The following RGS6 variants were observed in gnomAD, a reference collection of about 807,000 sequenced individuals.
The protein encoded by RGS6 is regulator of G protein signaling 6, also known as regulator of G-protein signaling 6.
RGS6 carries 30 observed loss-of-function variants against 78.5 expected under a neutral mutation model. The ratio of observed to expected loss-of-function variants is 0.38; its 90% CI spans 0.29 to 0.52. RGS6 has a LOEUF of 0.52. Among genes scored for constraint, RGS6 ranks in the 20% least tolerant of loss-of-function variants. The pLI is 0.85. For missense variants in RGS6, 495 were observed against 609.7 expected (o/e 0.81, Z 1.98); for synonymous variants, 206 against 206.0 (o/e 1.00, Z 0.00).
rs201869827 is a variant in RGS6 at position 72,533,735 on chromosome 14, A to G, written c.1279-2451A>G. Among the ~76,000 whole-genome samples the G allele has an allele frequency of 2.0e-5, 3 of 152,348 alleles. No individual in the cohort carries two copies. The East Asian group carries it at 5.8e-4, about 29-fold the overall frequency. ...ATCCTAGTGAAGAAAGTAACTGCAG[A>G]TGTGGTGGAAATAGCAAGAGAACTA... On this transcript the variant is annotated intron_variant, in intron 15 of 17. Transcript: ENST00000553525.
At chr14:72,363,999 T>TAAAAAAAAAAAAAAAAAAAAAAAA (rs55943058) in intron 3 of RGS6, among the ~76,000 whole-genome samples, 1 of 46,756 alleles carries the variant, frequency 2.1e-5, no homozygotes, top group Non-Finnish European at 4.5e-5. Flanking sequence ...TGGACAAGGC[T>TAAAAAAAAAAAAAAAAAAAAAAAA]AAAAAAAAAA....
chr14:72,528,271 T>C (rs965462825), intron 15 of RGS6, among the ~76,000 whole-genome samples: 17 of 152,248 alleles, frequency 1.1e-4, no homozygotes, highest in Admixed American at 9.8e-4. Context: ...CAGCTCTCAC[T>C]GTGCCTCGGA....
At chr14:72,220,710 T>C (rs752051584) in intron 2 of RGS6, among the ~76,000 whole-genome samples, 2 of 152,220 alleles carry the variant, frequency 1.3e-5, no homozygotes, top group Non-Finnish European at 2.9e-5. Flanking sequence ...ATTGCCTCAA[T>C]GTAGTCTCAG....
At chr14:72,079,234 T>C (rs2094714308) in intron 2 of RGS6, among the ~76,000 whole-genome samples, 1 of 152,134 alleles carries the variant, frequency 6.6e-6, no homozygotes, top group South Asian at 2.1e-4. Flanking sequence ...TTTAGAATTT[T>C]ACTTTTAAGA....
At chr14:72,280,760 T>C (rs948343981) in intron 2 of RGS6, among the ~76,000 whole-genome samples, 1 of 152,216 alleles carries the variant, frequency 6.6e-6, no homozygotes, top group South Asian at 2.1e-4. Flanking sequence ...TTTCACATGC[T>C]GAAACAGAGG....
intron 2 of RGS6, among the ~76,000 whole-genome samples, chr14:72,056,126 C>T (rs1567114417): frequency 6.6e-6 from 1 of 152,194 alleles, no homozygotes; most frequent in Non-Finnish European, 1.5e-5. Context: ...TCTAGAATCA[C>T]CTTTGGATAA....
chr14:71,897,352 G>A, the RGS6 span, among the ~76,000 whole-genome samples: 13 of 152,258 alleles, frequency 8.5e-5, no homozygotes, highest in East Asian at 1.3e-3. Context: ...TTCCTCCTCT[G>A]TAGTATTGGG....
intron 1 of RGS6, among the ~76,000 whole-genome samples, chr14:71,936,338 CTT>C (rs2089368764): frequency 6.6e-6 from 1 of 151,898 alleles, no homozygotes; most frequent in Non-Finnish European, 1.5e-5. Context: ...TTTCTGCCTC[CTT>C]TATATTCGCT....
intron 1 of RGS6, among the ~76,000 whole-genome samples, chr14:71,952,613 A>G (rs903744657): frequency 1.3e-5 from 2 of 152,064 alleles, no homozygotes; most frequent in African/African-American, 4.8e-5. Context: ...GAACCTATTC[A>G]ATTGTTATTT....
At chr14:71,964,956 T>A (rs1451962607) in intron 2 of RGS6, 81 bp downstream of exon 2, 4 of 1,015,342 alleles carry the variant, frequency 3.9e-6, no homozygotes, top group Non-Finnish European at 5.6e-6. Flanking sequence ...AAGACAAATG[T>A]TTTCTGCCTA....
chr14:72,458,333 C>G lies in RGS6; in HGVS notation c.298C>G (p.His100Asp). Residue 100 changes from histidine (H) to aspartate (D), a missense_variant, in exon 5 of 18, where the codon CAT (histidine) becomes GAT (aspartate). Transcript: ENST00000553525. ...AQGYIFPISD[H>D]VLTMKDDGTF... ...GGGCTACATCTTTCCAATCTCAGAC[C>G]ATGTTCTCACCATGAAGGATGATGG... The G allele has an allele frequency of 6.2e-7, 1 of 1,614,174 alleles. No homozygotes were observed. Among genetic ancestry groups the G allele is most frequent in the Non-Finnish European group, 8.5e-7 (1 of 1,180,012 alleles).
chr14:72,142,446 G>A lies in RGS6; in HGVS notation c.84+177571G>A, dbSNP rs189236625. 7.3e-4 allele frequency among the ~76,000 whole-genome samples: 111 copies of A among 152,256 alleles called. 1 individual carries two copies. Among genetic ancestry groups the A allele is most frequent in the East Asian group, 4.3e-3 (22 of 5,176 alleles). On this transcript the variant is annotated intron_variant, in intron 2 of 17. Transcript: ENST00000553525. The stretch of plus-strand genomic sequence containing the variant: ...ATACCAATGCAGTCCCCTTCTCTGC[G>A]TCATTGCTTCGCCAGGCCTGCATGA...
intron 3 of RGS6, among the ~76,000 whole-genome samples, chr14:72,359,111 T>C (rs1250303639): frequency 6.6e-6 from 1 of 152,230 alleles, no homozygotes; most frequent in Non-Finnish European, 1.5e-5. Flanking sequence ...TCTGCCATGA[T>C]TGTAAGTTTA....
At chr14:72,610,652 G>A in the RGS6 span, among the ~76,000 whole-genome samples, 1 of 152,252 alleles carries the variant, frequency 6.6e-6, no homozygotes, top group African/African-American at 2.4e-5. Flanking sequence ...AGACAGCACA[G>A]CATCAGGCCA....
chr14:72,069,233 A>G (rs1010132250), intron 2 of RGS6, among the ~76,000 whole-genome samples: 25 of 152,108 alleles, frequency 1.6e-4, no homozygotes, highest in African/African-American at 6.0e-4. Context: ...TCAGCCTCCC[A>G]AAGTGCTAGG....
At chr14:72,065,546 TCTTC>T (rs983814074) in intron 2 of RGS6, among the ~76,000 whole-genome samples, 21 of 152,314 alleles carry the variant, frequency 1.4e-4, no homozygotes, top group African/African-American at 5.0e-4. Flanking sequence ...CAATAAAATG[TCTTC>T]CCTTTACAAT....
chr14:72,610,111 T>C, the RGS6 span, among the ~76,000 whole-genome samples: 1 of 152,170 alleles, frequency 6.6e-6, no homozygotes, highest in South Asian at 2.1e-4. Context: ...ATGATGGGGA[T>C]AAAATGTTGC....
intron 2 of RGS6, among the ~76,000 whole-genome samples, chr14:72,208,581 C>T (rs117151193): frequency 2.6e-5 from 4 of 152,222 alleles, no homozygotes; most frequent in Admixed American, 6.5e-5. Flanking sequence ...AGGCCTGGGT[C>T]CTATTTCCCT....
At chr14:72,423,692 A>G (rs556285252) in intron 3 of RGS6, among the ~76,000 whole-genome samples, 213 of 152,064 alleles carry the variant, frequency 1.4e-3, no homozygotes, top group African/African-American at 5.0e-3. Context: ...TGGGAGGGGG[A>G]CGAGGGGTGA....
Sources: allele counts gnomAD v4.1 joint callset (sites outside exome capture counted in the v4.1 genomes callset), GRCh38; gene constraint gnomAD v4.1.1; transcripts MANE v1.5; gene names NCBI Gene and HGNC (gene_info 2026-07-23, HGNC 2026-07-21).